Variants in BACH2 observed in about 807,000 individuals in gnomAD.
The protein encoded by BACH2 is BACH transcriptional regulator 2, also known as transcription regulator protein BACH2.
In BACH2, 5 loss-of-function variants were observed where a neutral mutation model predicts 61.8. That is an observed-to-expected ratio of 0.08 (90% CI 0.04 to 0.17). BACH2 has a LOEUF of 0.17. Ranked by LOEUF, BACH2 falls within the 10% of genes least tolerant of loss-of-function variation. BACH2 has a pLI of 1.00. For missense variants in BACH2, 824 were observed against 1,091.1 expected, an observed-to-expected ratio of 0.76 and a Z score of 3.45; for synonymous variants, 446 against 440.1, an observed-to-expected ratio of 1.01 and a Z score of -0.17.
chr6:90,055,232 T>C, intron 5 of BACH2, among the ~76,000 whole-genome samples: 1 of 151,958 alleles, frequency 6.6e-6, no homozygotes, highest in Non-Finnish European at 1.5e-5. Flanking sequence ...TGAAAAAAAA[T>C]TAGACGAACG....
At chr6:90,033,385 C>T (rs369705653) in intron 5 of BACH2, among the ~76,000 whole-genome samples, 9 of 150,160 alleles carry the variant, frequency 6.0e-5, no homozygotes, top group African/African-American at 1.2e-4. Context: ...ATCAGACCAG[C>T]AGGAAGGCCA....
rs74804980 is a variant in BACH2, at chr6:89,993,650, A to G, written c.243+14952T>C. 7.9e-3 allele frequency among the ~76,000 whole-genome samples: 1,204 copies of G among 152,286 alleles called. 26 individuals are homozygous for G. The East Asian group carries it at 0.08, about 10-fold the overall frequency. ...ATTAAGTTGTCTTCTTCTACATCTTAGGCATGATGAAGGGAAACCACCTCA... is the reference window on the plus strand; with the variant it reads ...ATTAAGTTGTCTTCTTCTACATCTTGGGCATGATGAAGGGAAACCACCTCA... On this transcript the variant is annotated intron_variant, in intron 6 of 8. Coordinates refer to ENST00000257749, the MANE Select transcript of BACH2 (RefSeq NM_021813.4).
intron 3 of BACH2, among the ~76,000 whole-genome samples, chr6:90,217,540 TTC>T (rs973573680): frequency 4.6e-5 from 7 of 152,198 alleles, no homozygotes; most frequent in Non-Finnish European, 1.0e-4. Flanking sequence ...CTGTTTTTCT[TTC>T]TGTTTTCAAA....
chr6:90,106,352 T>C (rs893455497), intron 4 of BACH2, among the ~76,000 whole-genome samples: 1 of 152,228 alleles, frequency 6.6e-6, no homozygotes, highest in African/African-American at 2.4e-5. Flanking sequence ...ACTGCATATA[T>C]AATGGTGGTC....
intron 4 of BACH2, among the ~76,000 whole-genome samples, chr6:90,105,735 G>T (rs919792855): frequency 2.0e-5 from 3 of 152,222 alleles, no homozygotes; most frequent in African/African-American, 7.2e-5. Context: ...TATGGGGGTG[G>T]CAATTCTACT....
At chr6:90,283,495 C>G (rs1483904188) in intron 1 of BACH2, among the ~76,000 whole-genome samples, 1 of 151,950 alleles carries the variant, frequency 6.6e-6, no homozygotes, top group Non-Finnish European at 1.5e-5. Flanking sequence ...CCTGCCTCAG[C>G]CTCCCGAGCA....
chr6:90,260,810 T>G (rs1390049275), intron 2 of BACH2, among the ~76,000 whole-genome samples: 1 of 152,150 alleles, frequency 6.6e-6, no homozygotes, highest in African/African-American at 2.4e-5. Context: ...ACCACACCTA[T>G]GGACATGGAG....
chr6:90,275,160 C>T (rs1329297222), intron 1 of BACH2, among the ~76,000 whole-genome samples: 1 of 152,218 alleles, frequency 6.6e-6, no homozygotes, highest in Non-Finnish European at 1.5e-5. Flanking sequence ...ATGCAAGTCA[C>T]ATAAGTGGAG....
chr6:89,981,433 G>A (rs549080712), intron 6 of BACH2, among the ~76,000 whole-genome samples: 6 of 152,208 alleles, frequency 3.9e-5, no homozygotes, highest in South Asian at 2.1e-4. Flanking sequence ...GAGCCACCGC[G>A]CCTGGCCGAT....
chr6:90,268,238 T>C (rs1389642050), intron 2 of BACH2, among the ~76,000 whole-genome samples: 1 of 152,148 alleles, frequency 6.6e-6, no homozygotes, highest in East Asian at 1.9e-4. Flanking sequence ...ACCCCTGATC[T>C]CAAGTGATCT....
intron 6 of BACH2, among the ~76,000 whole-genome samples, chr6:89,986,219 G>GT (rs111985387): frequency 0.13 from 17,662 of 140,218 alleles, 1,245 homozygotes; most frequent in African/African-American, 0.19. Flanking sequence ...TAAAGTCTGA[G>GT]TTTTTTTTTT....
intron 4 of BACH2, among the ~76,000 whole-genome samples, chr6:90,142,068 T>G (rs1784479083): frequency 6.6e-6 from 1 of 152,226 alleles, no homozygotes; most frequent in Non-Finnish European, 1.5e-5. Context: ...GTGACAGAAC[T>G]AGACTCTGTC....
At chr6:90,022,606 G>A (rs1023837796) in intron 5 of BACH2, among the ~76,000 whole-genome samples, 3 of 152,164 alleles carry the variant, frequency 2.0e-5, no homozygotes, top group African/African-American at 4.8e-5. Flanking sequence ...ACGAATGAAC[G>A]AATTTAACCA....
chr6:89,939,741 TG>T (rs1773296992), intron 7 of BACH2, among the ~76,000 whole-genome samples: 1 of 142,494 alleles, frequency 7.0e-6, no homozygotes, highest in Non-Finnish European at 1.5e-5. Context: ...CACAGCTCAC[TG>T]TAGCCTTAAC....
At chr6:90,097,726 C>T (rs1376241357) in intron 4 of BACH2, among the ~76,000 whole-genome samples, 1 of 152,128 alleles carries the variant, frequency 6.6e-6, no homozygotes, top group African/African-American at 2.4e-5. Context: ...TTCAGTGGCA[C>T]CAAGTACATT....
At chr6:90,109,810 A>G (rs1350110781) in intron 4 of BACH2, among the ~76,000 whole-genome samples, 5 of 152,206 alleles carry the variant, frequency 3.3e-5, no homozygotes, top group Admixed American at 6.5e-5. Flanking sequence ...CTCAGTGTTT[A>G]GACATGTTGG....
chr6:90,276,576 T>G (rs1771698445), intron 1 of BACH2, among the ~76,000 whole-genome samples: 1 of 152,222 alleles, frequency 6.6e-6, no homozygotes, highest in Non-Finnish European at 1.5e-5. Flanking sequence ...TTGCCTTCTT[T>G]AAAAGAATGC....
intron 6 of BACH2, among the ~76,000 whole-genome samples, chr6:89,981,587 T>A (rs904160450): frequency 6.6e-6 from 1 of 152,180 alleles, no homozygotes; most frequent in Non-Finnish European, 1.5e-5. Context: ...GCTCCTTATT[T>A]AAGCATATTA....
intron 4 of BACH2, among the ~76,000 whole-genome samples, chr6:90,092,686 T>C (rs751732528): frequency 2.6e-5 from 4 of 152,306 alleles, no homozygotes; most frequent in South Asian, 4.1e-4. Flanking sequence ...CGCCATTTCA[T>C]AGTTTGGAAA....
Sources: allele counts gnomAD v4.1 joint callset (sites outside exome capture counted in the v4.1 genomes callset), GRCh38; gene constraint gnomAD v4.1.1; transcripts MANE v1.5; gene names NCBI Gene and HGNC (gene_info 2026-07-23, HGNC 2026-07-21).